The following CSMD3 variants were observed in gnomAD, a reference collection of about 807,000 sequenced individuals.
The protein encoded by CSMD3 is CUB and sushi domain-containing protein 3.
In CSMD3, 177 loss-of-function variants were observed where a neutral mutation model predicts 435.2. The ratio of observed to expected loss-of-function variants is 0.41; its 90% CI spans 0.36 to 0.46. The LOEUF (loss-of-function observed/expected upper bound fraction) is 0.46. Among genes scored for constraint, CSMD3 ranks in the 20% least tolerant of loss-of-function variants. The pLI is 0.34. For missense variants in CSMD3, 4,265 were observed against 4,504.6 expected, an observed-to-expected ratio of 0.95 and a Z score of 1.52; for synonymous variants, 1,656 against 1,520.5, an observed-to-expected ratio of 1.09 and a Z score of -2.07.
chr8:112,509,315 C>T (rs1822857675), intron 28 of CSMD3, among the ~76,000 whole-genome samples: 1 of 152,088 alleles, frequency 6.6e-6, no homozygotes, highest in Non-Finnish European at 1.5e-5. Context: ...TCTTGAACTC[C>T]TGAGCTCAAG....
intron 3 of CSMD3, among the ~76,000 whole-genome samples, chr8:113,194,269 T>C (rs991110256): frequency 3.1e-4 from 47 of 151,420 alleles, no homozygotes; most frequent in African/African-American, 1.0e-3. Flanking sequence ...TGCTATAATA[T>C]GTAACTAAAT....
At chr8:113,222,306 A>T (rs1225482336) in intron 3 of CSMD3, among the ~76,000 whole-genome samples, 1 of 151,088 alleles carries the variant, frequency 6.6e-6, no homozygotes, top group Non-Finnish European at 1.5e-5. Flanking sequence ...AACAGGGAAG[A>T]TCTCTCTTCT....
At chr8:112,950,351 A>G (rs1587741306) in intron 8 of CSMD3, among the ~76,000 whole-genome samples, 1 of 151,828 alleles carries the variant, frequency 6.6e-6, no homozygotes, top group Non-Finnish European at 1.5e-5. Context: ...GTGGCATGAA[A>G]ATGAGGAAAA....
intron 32 of CSMD3, among the ~76,000 whole-genome samples, chr8:112,410,602 G>GTATATATATA (rs1563912761): frequency 6.2e-5 from 5 of 80,524 alleles, no homozygotes; most frequent in African/African-American, 1.4e-4. Flanking sequence ...ATATATATAT[G>GTATATATATA]TGTATATATA....
At chr8:112,258,152 A>G (rs1296033243) in intron 61 of CSMD3, among the ~76,000 whole-genome samples, 1 of 152,230 alleles carries the variant, frequency 6.6e-6, no homozygotes, top group Non-Finnish European at 1.5e-5. Context: ...AAAGATTTAA[A>G]TGTAAGACCT....
At chr8:112,521,175 C>T (rs1242048211) in intron 27 of CSMD3, among the ~76,000 whole-genome samples, 1 of 151,936 alleles carries the variant, frequency 6.6e-6, no homozygotes, top group Non-Finnish European at 1.5e-5. Flanking sequence ...AATAAACAAA[C>T]AAAACTTTAT....
intron 22 of CSMD3, among the ~76,000 whole-genome samples, chr8:112,607,333 C>T (rs570977663): frequency 6.6e-6 from 1 of 151,940 alleles, no homozygotes; most frequent in Admixed American, 6.6e-5. Flanking sequence ...AAGTCTGATT[C>T]ACTAATTAAA....
At chr8:113,130,171 G>A (rs1292401425) in intron 4 of CSMD3, among the ~76,000 whole-genome samples, 3 of 152,002 alleles carry the variant, frequency 2.0e-5, no homozygotes, top group African/African-American at 7.3e-5. Context: ...AGGTAAATTT[G>A]CACATAATAG....
intron 32 of CSMD3, among the ~76,000 whole-genome samples, chr8:112,451,634 G>T (rs1174804559): frequency 2.0e-5 from 3 of 152,120 alleles, no homozygotes; most frequent in African/African-American, 7.2e-5. Flanking sequence ...CGCCTCCCGG[G>T]TTCAAGCGAT....
chr8:113,131,550 T>A (rs1015959007), intron 4 of CSMD3, among the ~76,000 whole-genome samples: 1 of 152,050 alleles, frequency 6.6e-6, no homozygotes, highest in Non-Finnish European at 1.5e-5. Context: ...TGCCCAGATT[T>A]CACAGGATGT....
intron 2 of CSMD3, among the ~76,000 whole-genome samples, chr8:113,289,506 G>A (rs2132520345): frequency 6.6e-6 from 1 of 150,634 alleles, no homozygotes; most frequent in South Asian, 2.1e-4. Context: ...CGAGAGAGAG[G>A]TGAGAGCATT....
intron 3 of CSMD3, among the ~76,000 whole-genome samples, chr8:113,272,267 C>T (rs1000907148): frequency 2.0e-5 from 3 of 151,922 alleles, no homozygotes; most frequent in Admixed American, 6.6e-5. Context: ...ATGTGAGATT[C>T]GGAGGGGCAA....
intron 32 of CSMD3, 119 bp from the exon 33 acceptor site, chr8:112,409,151 T>C: frequency 6.6e-7 from 1 of 1,511,614 alleles, no homozygotes; most frequent in Non-Finnish European, 8.9e-7. Context: ...ATAATAGTCA[T>C]TTTTTTTCTA....
chr8:113,016,848 T>A (rs1257583022), intron 6 of CSMD3, among the ~76,000 whole-genome samples: 2 of 151,936 alleles, frequency 1.3e-5, no homozygotes, highest in African/African-American at 4.8e-5. Flanking sequence ...CCATTTAAGT[T>A]ATCTTAGTAC....
At chr8:113,150,646 A>G (rs1056094583) in intron 4 of CSMD3, among the ~76,000 whole-genome samples, 1 of 152,032 alleles carries the variant, frequency 6.6e-6, no homozygotes, top group Non-Finnish European at 1.5e-5. Flanking sequence ...GCATTTTGCT[A>G]TGCATTAATA....
intron 22 of CSMD3, among the ~76,000 whole-genome samples, chr8:112,612,250 T>C (rs948002014): frequency 1.3e-5 from 2 of 152,202 alleles, no homozygotes; most frequent in African/African-American, 2.4e-5. Flanking sequence ...ATAACAGATA[T>C]ATGAACACTA....
At chr8:113,213,890 T>C (rs962722103) in intron 3 of CSMD3, among the ~76,000 whole-genome samples, 2 of 152,072 alleles carry the variant, frequency 1.3e-5, no homozygotes, top group Non-Finnish European at 2.9e-5. Context: ...TTATACAATA[T>C]GGATGTCATA....
chr8:112,629,468 T>C (rs1387903411), intron 22 of CSMD3, among the ~76,000 whole-genome samples: 1 of 152,206 alleles, frequency 6.6e-6, no homozygotes, highest in East Asian at 1.9e-4. Flanking sequence ...TGTTTGCTTA[T>C]GTAAACACAA....
At position 112,497,907 on chromosome 8, in the gene CSMD3, A is replaced by T. The variant is rs544774043; in HGVS notation, c.5084-5224T>A. Among the ~76,000 whole-genome samples, 18 of 152,216 alleles carry T rather than the reference A, an allele frequency of 1.2e-4. 1 individual carries two copies. In the South Asian group the frequency reaches 3.7e-3, roughly 32 times the overall value. On this transcript the variant is annotated intron_variant, in intron 30 of 70. Coordinates refer to ENST00000297405, the MANE Select transcript of CSMD3 (RefSeq NM_198123.2). ...GCGGGGGTTTGAGGACCAGGTAGAA[A>T]ATTAATGAGATTGGATCTCGAGAAC...
Sources: gnomAD v4.1 joint callset for allele counts (sites outside exome capture counted in the v4.1 genomes callset) on GRCh38, gnomAD v4.1.1 for gene constraint, MANE v1.5 for transcripts, NCBI Gene and HGNC (gene_info 2026-07-23, HGNC 2026-07-21) for gene names.